The following ELMO1 variants were observed in gnomAD, a reference collection of about 807,000 sequenced individuals.
ELMO1 encodes engulfment and cell motility 1, also known as engulfment and cell motility protein 1.
A neutral mutation model predicts 98.9 loss-of-function variants in ELMO1; 26 were observed. That is an observed-to-expected ratio of 0.26 (90% confidence interval 0.19 to 0.36). The LOEUF (loss-of-function observed/expected upper bound fraction) is 0.36. Among genes scored for constraint, ELMO1 ranks in the 10% least tolerant of loss-of-function variants. The pLI is 1.00. For missense variants in ELMO1, 627 were observed against 935.2 expected (o/e 0.67, Z 4.30); for synonymous variants, 346 against 346.0 (o/e 1.00, Z 0.00).
chr7:37,435,303 T>C (rs1475795898), intron 1 of ELMO1: 1 of 152,232 alleles, frequency 6.6e-6, no homozygotes, highest in African/African-American at 2.4e-5. Flanking sequence ...GAATTTAAAA[T>C]ACTCCTATCC....
intron 16 of ELMO1, among the ~76,000 whole-genome samples, chr7:36,960,856 A>G (rs1452015423): frequency 6.6e-6 from 1 of 152,154 alleles, no homozygotes; most frequent in Non-Finnish European, 1.5e-5. Context: ...ACTGGGCCCT[A>G]TGCAAACCAG....
intron 15 of ELMO1, among the ~76,000 whole-genome samples, chr7:37,080,115 C>T (rs562146601): frequency 2.0e-5 from 3 of 152,230 alleles, no homozygotes; most frequent in Non-Finnish European, 4.4e-5. Flanking sequence ...CCCCACTCCA[C>T]ATCCAATCAT....
intron 15 of ELMO1, among the ~76,000 whole-genome samples, chr7:37,026,318 A>G (rs1794576344): frequency 6.6e-6 from 1 of 152,160 alleles, no homozygotes; most frequent in South Asian, 2.1e-4. Context: ...TTACACCTTA[A>G]CCTGGGGCTC....
intron 13 of ELMO1, among the ~76,000 whole-genome samples, chr7:37,207,887 C>G (rs1041690273): frequency 6.6e-6 from 1 of 152,174 alleles, no homozygotes; most frequent in Admixed American, 6.5e-5. Context: ...GAAGATGAAG[C>G]AGCTTTTCTG....
chr7:37,409,718 G>A (rs1256395327), intron 1 of ELMO1, among the ~76,000 whole-genome samples: 3 of 152,184 alleles, frequency 2.0e-5, no homozygotes, highest in African/African-American at 4.8e-5. Flanking sequence ...CAAGATGGAG[G>A]TGAATAACAT....
intron 16 of ELMO1, among the ~76,000 whole-genome samples, chr7:36,939,080 T>C (rs1786793522): frequency 6.6e-6 from 1 of 152,100 alleles, no homozygotes; most frequent in South Asian, 2.1e-4. Context: ...AACATGTATT[T>C]ACCTGCAAAA....
chr7:36,888,968 A>G (rs760222314), intron 17 of ELMO1, among the ~76,000 whole-genome samples: 2 of 152,212 alleles, frequency 1.3e-5, no homozygotes, highest in Non-Finnish European at 2.9e-5. Flanking sequence ...CTTTTGGGGA[A>G]AGTATTAATG....
intron 15 of ELMO1, among the ~76,000 whole-genome samples, chr7:37,051,159 G>A (rs1472191424): frequency 1.3e-5 from 2 of 152,172 alleles, no homozygotes; most frequent in Non-Finnish European, 1.5e-5. Context: ...CAAAACTTTG[G>A]AAAGAACTGC....
intron 6 of ELMO1, among the ~76,000 whole-genome samples, chr7:37,257,677 C>T (rs1795747256): frequency 6.6e-6 from 1 of 151,070 alleles, no homozygotes; most frequent in Non-Finnish European, 1.5e-5. Flanking sequence ...ACCAGCCTGG[C>T]CAACGTGGTG....
chr7:37,078,113 A>C (rs1275080426), intron 15 of ELMO1, among the ~76,000 whole-genome samples: 1 of 152,204 alleles, frequency 6.6e-6, no homozygotes, highest in Non-Finnish European at 1.5e-5. Flanking sequence ...AAATATTTTA[A>C]GTTCAATTTA....
At chr7:37,361,733 C>T (rs544364986) in intron 1 of ELMO1, among the ~76,000 whole-genome samples, 4 of 152,352 alleles carry the variant, frequency 2.6e-5, no homozygotes, top group East Asian at 3.9e-4. Flanking sequence ...CCAAGGCCGG[C>T]GGATGGCTTG....
At chr7:37,436,805 A>T (rs200606141) in intron 1 of ELMO1, among the ~76,000 whole-genome samples, 1 of 152,226 alleles carries the variant, frequency 6.6e-6, no homozygotes. Flanking sequence ...AACCCACTGC[A>T]CTTGGAAAGT....
At chr7:37,406,244 G>A (rs1803754509) in intron 1 of ELMO1, among the ~76,000 whole-genome samples, 1 of 149,674 alleles carries the variant, frequency 6.7e-6, no homozygotes, top group Non-Finnish European at 1.5e-5. Flanking sequence ...GTGCAAGGGA[G>A]AAATCTGCAA....
intron 10 of ELMO1, among the ~76,000 whole-genome samples, chr7:37,218,633 T>C (rs1288349420): frequency 6.6e-6 from 1 of 152,228 alleles, no homozygotes; most frequent in Middle Eastern, 3.2e-3. Flanking sequence ...AATCCAGATA[T>C]ACTGACATGG....
intron 13 of ELMO1, among the ~76,000 whole-genome samples, chr7:37,194,941 C>T (rs1436900901): frequency 6.6e-6 from 1 of 151,236 alleles, no homozygotes; most frequent in Non-Finnish European, 1.5e-5. Context: ...ATTCATTCAA[C>T]ACACACTTAC....
chr7:36,879,444 C>T lies in ELMO1; in HGVS notation c.1715-1327G>A, dbSNP rs191232332. Among the ~76,000 whole-genome samples the T allele has an allele frequency of 6.2e-4, 94 of 152,326 alleles. No individual in the cohort carries two copies. In the South Asian group the frequency reaches 0.018, roughly 30 times the overall value. On this transcript the variant is annotated intron_variant, in intron 18 of 21. Transcript: ENST00000310758. ...CCTGAAATATAATTTGTTTTCAAGC[C>T]ACTCTAACTAAAAAGCTCTTCATTA...
At chr7:37,212,398 C>T (rs892614760) in intron 12 of ELMO1, among the ~76,000 whole-genome samples, 3 of 152,128 alleles carry the variant, frequency 2.0e-5, no homozygotes, top group African/African-American at 7.2e-5. Context: ...TTATACATAT[C>T]CCACCACAAT....
chr7:36,996,077 G>T (rs1792190200), intron 16 of ELMO1, among the ~76,000 whole-genome samples: 1 of 152,172 alleles, frequency 6.6e-6, no homozygotes, highest in African/African-American at 2.4e-5. Context: ...ATTGGCTTTT[G>T]TCAGACAATA....
At chr7:37,298,316 A>G (rs1380571541) in intron 4 of ELMO1, among the ~76,000 whole-genome samples, 2 of 54,964 alleles carry the variant, frequency 3.6e-5, no homozygotes, top group Non-Finnish European at 7.8e-5. Flanking sequence ...TTTTTTTTTT[A>G]TTATACTTTA....
Sources: gnomAD v4.1 joint callset for allele counts (sites outside exome capture counted in the v4.1 genomes callset) on GRCh38, gnomAD v4.1.1 for gene constraint, MANE v1.5 for transcripts, NCBI Gene and HGNC (gene_info 2026-07-23, HGNC 2026-07-21) for gene names.